The following ZNF160 variants were observed in gnomAD, a reference collection of about 807,000 sequenced individuals.
ZNF160 encodes KRAB zinc finger protein KR18.
Under a neutral mutation model 13.1 loss-of-function variants are expected in ZNF160, and 9 were observed. That is an observed-to-expected ratio of 0.69 (90% CI 0.41 to 1.20). The LOEUF (loss-of-function observed/expected upper bound fraction) is 1.20. Among genes scored for constraint, ZNF160 ranks in the 50% most tolerant of loss-of-function variants. The pLI is 0.01. For synonymous variants in ZNF160, 293 were observed against 333.2 expected, an observed-to-expected ratio of 0.88 and a Z score of 1.31; for missense variants, 838 against 988.0, an observed-to-expected ratio of 0.85 and a Z score of 2.04.
At chr19:53,079,134 G>A (rs536938507) in intron 3 of ZNF160, among the ~76,000 whole-genome samples, 25 of 152,248 alleles carry the variant, frequency 1.6e-4, no homozygotes, top group Admixed American at 1.2e-3. Flanking sequence ...AGACAAGAGT[G>A]GTTCAACAGA....
At position 53,069,172 on chromosome 19, in the gene ZNF160, C is replaced by G; in HGVS notation, c.1362G>C (p.Lys454Asn). 2 of 1,613,996 alleles carry G rather than the reference C, an allele frequency of 1.2e-6. No individual in the cohort carries two copies. The highest frequency in any genetic ancestry group is 1.7e-6 in the Non-Finnish European group (2 of 1,179,946). Residue 454 changes from lysine (K) to asparagine (N), a missense_variant, in exon 6 of 6, where the codon AAG becomes AAC. Physicochemically the swap from Lys to Asn is moderately conservative, Grantham distance 94. This residue lies in a region of ZNF160 where 400 missense variants were observed against 538.9 expected (regional missense o/e 0.74). Transcript: ENST00000683776. This position sits in a 1 kb window ranked among gnomAD's most constrained non-coding sequence, Gnocchi z 4.4. ...TGAAGGCTTTGCCACATTCATTACA[C>G]TTGTAAGGTTTCTCACCAGTATGAA... is the stretch of plus-strand genomic sequence containing the variant. ...RRVHTGEKPY[K>N]CNECGKAFSM... is the part of the protein sequence containing the mutation.
intron 3 of ZNF160, among the ~76,000 whole-genome samples, chr19:53,081,359 C>T (rs373289371): frequency 1.9e-4 from 29 of 152,176 alleles, no homozygotes; most frequent in East Asian, 5.8e-4. Context: ...TTGCAAACTA[C>T]GCATCTGACG....
intron 3 of ZNF160, 92 bp downstream of exon 3, chr19:53,086,170 A>G (rs962787826): frequency 7.0e-7 from 1 of 1,424,990 alleles, no homozygotes; most frequent in African/African-American, 1.4e-5. Context: ...CATGTCAGGC[A>G]GGACGCTTCA....
In ZNF160 at chr19:53,069,070, C is replaced by G; in HGVS notation, c.1464G>C (p.Lys488Asn). Residue 488 changes from lysine to asparagine, a missense_variant, in exon 6 of 6, where the codon AAG becomes AAC. Transcript: ENST00000683776. This position sits in a 1 kb window ranked among gnomAD's most constrained non-coding sequence, Gnocchi z 4.4. ...CAAGTTGTGAATTTTGAGTGAAAAC[C>G]TTGCTGCATTCATTGCATTTGAAAG... The part of the protein sequence containing the change: ...TKPFKCNECS[K>N]VFTQNSQLAN... 5.6e-6 allele frequency: 9 copies of G among 1,614,004 alleles called. No individual in the cohort carries two copies. Among genetic ancestry groups the G allele is most frequent in the Non-Finnish European group, 7.6e-6 (9 of 1,180,022 alleles).
rs1568468816 is a variant in ZNF160, at chr19:53,066,624, C to T, written c.*1453G>A. On this transcript the variant is annotated 3_prime_UTR_variant, in exon 6 of 6. Transcript: ENST00000683776. ...AATGTGATTCATTCATAGAGAAAAA[C>T]CATTCTATTTTATTAGTTAAAACAT... 6.6e-6 allele frequency: 1 copy of T among 152,104 alleles called. No homozygotes were observed. Among genetic ancestry groups the T allele is most frequent in the Non-Finnish European group, 1.5e-5 (1 of 68,016 alleles). 9.4% of individuals were successfully genotyped at this position (152,104 alleles called of 1,614,324 possible).
intron 1 of ZNF160, among the ~76,000 whole-genome samples, chr19:53,092,228 T>G (rs926450487): frequency 6.6e-6 from 1 of 152,224 alleles, no homozygotes; most frequent in African/African-American, 2.4e-5. Flanking sequence ...AAAAAGCCTG[T>G]AAAATCATCT....
chr19:53,067,972 A>T lies in ZNF160; in HGVS notation c.*105T>A. The T allele has an allele frequency of 6.9e-7, 1 of 1,447,610 alleles. No individual in the cohort carries two copies. The allele number at this position is 1,447,610 out of a possible 1,614,324, so 89.7% of individuals were successfully genotyped here. A position where few individuals can be genotyped will look rare whatever the true frequency, so the allele number is the denominator to read the frequency against. On this transcript the variant is annotated 3_prime_UTR_variant, in exon 6 of 6. Coordinates refer to ENST00000683776, the MANE Select transcript of ZNF160 (RefSeq NM_001322131.2). ...GGCCTCTCATATCTATTAATGCTTCAACTCATGAGGGATTGGCCACTGTCA... is the reference window on the plus strand; with the variant it reads ...GGCCTCTCATATCTATTAATGCTTCTACTCATGAGGGATTGGCCACTGTCA...
chr19:53,088,954 A>C lies in ZNF160; in HGVS notation c.-46+2459T>G, dbSNP rs78366419. On this transcript the variant is annotated intron_variant, in intron 2 of 5. Coordinates refer to ENST00000683776, the MANE Select transcript of ZNF160 (RefSeq NM_001322131.2). ...ACTGACCTGGTCAATGTGCTTCCCT[A>C]ACACTTTCCTTGGGTTTGAATAACT... is the stretch of plus-strand genomic sequence containing the variant. Among the ~76,000 whole-genome samples the C allele has an allele frequency of 8.0e-3, 1,222 of 152,262 alleles. 18 individuals carry two copies. The highest frequency in any genetic ancestry group is 0.028 in the African/African-American group (1,174 of 41,542).
intron 3 of ZNF160, among the ~76,000 whole-genome samples, chr19:53,084,511 A>G (rs953449907): frequency 7.2e-5 from 11 of 152,250 alleles, no homozygotes; most frequent in African/African-American, 2.7e-4. Context: ...CTCCAGCAAC[A>G]GGGTGAGACC....
chr19:53,097,808 A>G (rs544774443), intron 1 of ZNF160, among the ~76,000 whole-genome samples: 7 of 152,268 alleles, frequency 4.6e-5, no homozygotes, highest in Non-Finnish European at 1.0e-4. Context: ...TCTTTCCTCT[A>G]TGGGTTTCAG....
At chr19:53,094,713 G>A (rs914661322) in intron 1 of ZNF160, among the ~76,000 whole-genome samples, 4 of 152,172 alleles carry the variant, frequency 2.6e-5, no homozygotes, top group East Asian at 1.9e-4. Context: ...AGCAGGAAGC[G>A]TCCCTGGACT....
intron 3 of ZNF160, among the ~76,000 whole-genome samples, chr19:53,078,038 G>A (rs181280304): frequency 4.6e-5 from 7 of 152,194 alleles, no homozygotes; most frequent in Non-Finnish European, 7.4e-5. Flanking sequence ...TCAGAAGTTC[G>A]AGACCAGCCT....
At chr19:53,077,936 T>C (rs1406906990) in intron 3 of ZNF160, among the ~76,000 whole-genome samples, 1 of 151,844 alleles carries the variant, frequency 6.6e-6, no homozygotes, top group African/African-American at 2.4e-5. Flanking sequence ...CTGAAAAACA[T>C]AACTGAATTA....
rs2083981006 is a variant in ZNF160 at position 53,066,694 on chromosome 19, TCAAG to T, written c.*1379_*1382del. ...GAATAAAACATTAGCAAAATGTGCTTCAAGCAGATAATGTGAGTTCTACTAAAGA... is the reference window on the plus strand; with the variant it reads ...GAATAAAACATTAGCAAAATGTGCTTCAGATAATGTGAGTTCTACTAAAGA... On this transcript the variant is annotated 3_prime_UTR_variant, in exon 6 of 6. Coordinates refer to ENST00000683776, the MANE Select transcript of ZNF160 (RefSeq NM_001322131.2). The T allele has an allele frequency of 6.6e-6, 1 of 152,212 alleles. No individual in the cohort carries two copies. Among genetic ancestry groups the T allele is most frequent in the Non-Finnish European group, 1.5e-5 (1 of 68,040 alleles). The allele number at this position is 152,212 out of a possible 1,614,324, so 9.4% of individuals were successfully genotyped here.
At chr19:53,087,035 T>A (rs1266278201) in intron 2 of ZNF160, among the ~76,000 whole-genome samples, 1 of 152,200 alleles carries the variant, frequency 6.6e-6, no homozygotes, top group African/African-American at 2.4e-5. Context: ...AATAGGAGGC[T>A]GTGGGAGATC....
chr19:53,082,069 C>T (rs2084653217), intron 3 of ZNF160, among the ~76,000 whole-genome samples: 1 of 151,978 alleles, frequency 6.6e-6, no homozygotes, highest in African/African-American at 2.4e-5. Context: ...ACTGGGTGCA[C>T]ACAAACACAA....
At chr19:53,071,965 A>C (rs899726802) in intron 5 of ZNF160, among the ~76,000 whole-genome samples, 8 of 152,366 alleles carry the variant, frequency 5.3e-5, no homozygotes, top group Admixed American at 1.3e-4. Context: ...CCATCATAGC[A>C]CTAGGAAAAT....
intron 2 of ZNF160, among the ~76,000 whole-genome samples, chr19:53,090,469 CT>C (rs1486051454): frequency 6.6e-6 from 1 of 152,220 alleles, no homozygotes; most frequent in African/African-American, 2.4e-5. Flanking sequence ...TTTCCTCTTT[CT>C]CCTGTCTCTC....
chr19:53,075,288 G>A lies in ZNF160; in HGVS notation c.16-105C>T, dbSNP rs554508504. The A allele has an allele frequency of 2.8e-6, 4 of 1,434,556 alleles. No individual in the cohort carries two copies. The East Asian group carries it at 9.2e-5, about 33-fold the overall frequency. 88.9% of individuals were successfully genotyped at this position (1,434,556 alleles called of 1,614,324 possible). A position where few individuals can be genotyped will look rare whatever the true frequency, so the allele number is the denominator to read the frequency against. On this transcript the variant is annotated intron_variant, in intron 3 of 5. Transcript: ENST00000683776. ...GTGAGAATAGGTTAAATTGAAGTGG[G>A]TGAGCTGACAGATCCAGATTGTGAC... is the stretch of plus-strand genomic sequence containing the variant.
Sources: allele counts gnomAD v4.1 joint callset (sites outside exome capture counted in the v4.1 genomes callset), GRCh38; gene constraint gnomAD v4.1.1; regional missense constraint gnomAD v4.1.1; non-coding constraint Gnocchi (gnomAD v3.1); transcripts MANE v1.5; gene names NCBI Gene and HGNC (gene_info 2026-07-23, HGNC 2026-07-21).